VEZT: variants seen among roughly 807,000 people sequenced by gnomAD.
VEZT encodes vezatin.
VEZT carries 39 observed loss-of-function variants against 79.9 expected under a neutral mutation model. The ratio of observed to expected loss-of-function variants is 0.49; its 90% CI spans 0.38 to 0.64. The LOEUF (loss-of-function observed/expected upper bound fraction) is 0.64. Among genes scored for constraint, VEZT ranks in the 30% least tolerant of loss-of-function variants. The pLI, the probability that VEZT is intolerant of heterozygous loss-of-function variation, is 0.00. For missense variants in VEZT, 837 were observed against 893.1 expected, an observed-to-expected ratio of 0.94 and a Z score of 0.80; for synonymous variants, 325 against 327.6, an observed-to-expected ratio of 0.99 and a Z score of 0.09.
chr12:95,287,849 A>G lies in VEZT; in HGVS notation c.1514A>G (p.Asp505Gly), dbSNP rs1483102990. The G allele has an allele frequency of 1.3e-6, 2 of 1,591,558 alleles. No homozygotes were observed. Among genetic ancestry groups the G allele is most frequent in the Non-Finnish European group, 1.7e-6 (2 of 1,168,368 alleles). Residue 505 changes from aspartate (D) to glycine (G), a missense_variant, in exon 9 of 12, where the codon GAT becomes GGT. Asp to Gly is a moderately conservative substitution (Grantham distance 94). Transcript: ENST00000436874. ...QVDKLLRRNTDKKGKPEIACE... is the reference protein window; with the variant it reads ...QVDKLLRRNTGKKGKPEIACE... The stretch of plus-strand genomic sequence containing the variant: ...GACAAACTGCTACGAAGAAATACAG[A>G]TAAAAAAGGTACCTGTGAGAGATTT...
intron 1 of VEZT, among the ~76,000 whole-genome samples, chr12:95,246,321 C>T (rs962382093): frequency 2.0e-5 from 3 of 152,058 alleles, no homozygotes; most frequent in Admixed American, 6.5e-5. Flanking sequence ...CGGGGTTTCA[C>T]CATGTTGGCC....
chr12:95,252,134 G>A (rs1405099997), intron 2 of VEZT, 63 bp downstream of exon 2: 1 of 1,534,256 alleles, frequency 6.5e-7, no homozygotes, highest in Non-Finnish European at 8.8e-7. Flanking sequence ...TGGCTATTCA[G>A]ATACTTCTTA....
chr12:95,295,861 G>T (rs1319651879), intron 10 of VEZT, among the ~76,000 whole-genome samples, 190 bp from the exon 11 acceptor site: 1 of 152,096 alleles, frequency 6.6e-6, no homozygotes, highest in Non-Finnish European at 1.5e-5. Context: ...CTGTTAGGTT[G>T]TTTTTGAAGA....
intron 1 of VEZT, among the ~76,000 whole-genome samples, chr12:95,240,080 A>AAAG: frequency 7.4e-6 from 1 of 134,856 alleles, no homozygotes; most frequent in African/African-American, 2.8e-5. Context: ...AAGGAAGAAA[A>AAAG]GAAAGAGGAA....
chr12:95,244,033 A>G (rs551411220), intron 1 of VEZT: 10 of 455,392 alleles, frequency 2.2e-5, no homozygotes, highest in African/African-American at 1.8e-4. Context: ...TTTATAAAAT[A>G]TGCAGTGTCA....
Position 95,224,201 on chromosome 12 carries a change from T to C in VEZT, c.36+6315T>C, listed in dbSNP as rs553476768. The C allele has an allele frequency of 1.1e-4, 49 of 456,098 alleles. No individual in the cohort carries two copies. The East Asian group carries it at 3.4e-3, about 32-fold the overall frequency. The allele number at this position is 456,098 out of a possible 1,614,324, so 28.3% of individuals were successfully genotyped here. ...TTAGGTTCGGCCAGTGGGAAGGACC[T>C]GCAGATCAGAGGATGGAGGAAAGAG... On this transcript the variant is annotated intron_variant, in intron 1 of 11. Transcript: ENST00000436874.
chr12:95,225,702 A>G (rs2136608991), intron 1 of VEZT, among the ~76,000 whole-genome samples: 2 of 147,100 alleles, frequency 1.4e-5, no homozygotes, highest in South Asian at 4.6e-4. Flanking sequence ...AAGAAGCTGG[A>G]GAATCCATAT....
In VEZT at chr12:95,251,924, T is replaced by G. The variant is rs766443670; in HGVS notation, c.37-16T>G. ...GTAATGATCTTGAAATTTGCTTTAT[T>G]TTGTGTCTTTTTCAGAATTCTCCAC... is the stretch of plus-strand genomic sequence containing the variant. On this transcript the variant is annotated splice_polypyrimidine_tract_variant and intron_variant, in intron 1 of 11. Coordinates refer to ENST00000436874, the MANE Select transcript of VEZT (RefSeq NM_017599.4). 3.8e-6 allele frequency: 6 copies of G among 1,598,520 alleles called. No individual in the cohort carries two copies. In the South Asian group the frequency reaches 6.9e-5, roughly 18 times the overall value.
At chr12:95,269,719 G>T (rs988786524) in intron 5 of VEZT, 4 of 188,462 alleles carry the variant, frequency 2.1e-5, no homozygotes, top group African/African-American at 7.1e-5. Flanking sequence ...ATGTAAAAAA[G>T]ATGTGGATTC....
chr12:95,296,139 G>A lies in VEZT; in HGVS notation c.1712G>A (p.Arg571Lys). 1 of 1,568,534 alleles carries A rather than the reference G, an allele frequency of 6.4e-7. No homozygotes were observed. Among genetic ancestry groups the A allele is most frequent in the Non-Finnish European group, 8.7e-7 (1 of 1,155,454 alleles). Reference sequence around the variant, plus strand: ...TACTTGTCTCAAGAAGACAAAGAGAGACAGAAGCGTGAGCATGAAGAATCC... The same window carrying A: ...TACTTGTCTCAAGAAGACAAAGAGAAACAGAAGCGTGAGCATGAAGAATCC... Reference protein sequence around the residue: ...FYYLSQEDKERQKREHEESKR... With the variant: ...FYYLSQEDKEKQKREHEESKR... The change falls in exon 11 of 12, where the codon AGA becomes AAA. Residue 571 changes from arginine to lysine, a missense_variant. Transcript: ENST00000436874.
At chr12:95,295,478 C>A (rs1275559638) in intron 10 of VEZT, among the ~76,000 whole-genome samples, 1 of 152,090 alleles carries the variant, frequency 6.6e-6, no homozygotes, top group African/African-American at 2.4e-5. Flanking sequence ...CTTCTTTTAT[C>A]TCAGACTTCT....
At chr12:95,280,338 C>T (rs1488626082) in intron 7 of VEZT, among the ~76,000 whole-genome samples, 2 of 152,086 alleles carry the variant, frequency 1.3e-5, no homozygotes, top group African/African-American at 4.8e-5. Flanking sequence ...TTCCTGCTCC[C>T]TAGAACTCTC....
chr12:95,286,974 T>TCCCCA (rs1448691408), intron 8 of VEZT: 2 of 42,552 alleles, frequency 4.7e-5, no homozygotes, highest in Non-Finnish European at 8.3e-5. Flanking sequence ...GAGCTGTTGT[T>TCCCCA]GGCAGGGGAA....
intron 1 of VEZT, among the ~76,000 whole-genome samples, chr12:95,246,948 A>G (rs924048210): frequency 1.3e-5 from 2 of 152,220 alleles, no homozygotes; most frequent in South Asian, 4.1e-4. Flanking sequence ...TAAAGCTACC[A>G]TCTAATACTT....
At chr12:95,252,511 G>A (rs1203285447) in intron 2 of VEZT, 5 of 151,946 alleles carry the variant, frequency 3.3e-5, no homozygotes, top group African/African-American at 7.3e-5. Context: ...AACTTCTGGT[G>A]ACTTTTTTAT....
chr12:95,283,548 G>A (rs1444452674), intron 8 of VEZT, among the ~76,000 whole-genome samples: 2 of 152,216 alleles, frequency 1.3e-5, no homozygotes, highest in East Asian at 3.9e-4. Flanking sequence ...AATAAGAATG[G>A]GTCAAAAGGA....
chr12:95,223,623 G>A (rs187280158), intron 1 of VEZT, among the ~76,000 whole-genome samples: 2 of 152,162 alleles, frequency 1.3e-5, no homozygotes, highest in East Asian at 3.9e-4. Flanking sequence ...GCTAATTTTT[G>A]TATTTCTAGT....
chr12:95,295,050 G>A (rs1269800575), intron 10 of VEZT, among the ~76,000 whole-genome samples: 1 of 152,140 alleles, frequency 6.6e-6, no homozygotes, highest in Non-Finnish European at 1.5e-5. Flanking sequence ...GTTAATGGGT[G>A]GAGACATTGC....
At chr12:95,256,547 C>G in intron 2 of VEZT, 1 of 1,280,636 alleles carries the variant, frequency 7.8e-7, no homozygotes, top group South Asian at 1.3e-5. Flanking sequence ...TGACCCTTTG[C>G]AGTACCTGGG....
Sources: allele counts gnomAD v4.1 joint callset (sites outside exome capture counted in the v4.1 genomes callset), GRCh38; gene constraint gnomAD v4.1.1; transcripts MANE v1.5; gene names NCBI Gene and HGNC (gene_info 2026-07-23, HGNC 2026-07-21).